The following AGBL4 variants were observed in gnomAD, a reference collection of about 807,000 sequenced individuals.
AGBL4 encodes AGBL carboxypeptidase 4.
In AGBL4, 58 loss-of-function variants were observed where a neutral mutation model predicts 66.4. The observed-to-expected ratio is 0.87, with a 90% confidence interval of 0.71 to 1.09. The LOEUF (loss-of-function observed/expected upper bound fraction) is 1.09. Ranked by LOEUF, AGBL4 falls within the 50% of genes least tolerant of loss-of-function variation. AGBL4 has a pLI of 0.00. For synonymous variants in AGBL4, 234 were observed against 222.9 expected (o/e 1.05, Z -0.44); for missense variants, 579 against 631.0 (o/e 0.92, Z 0.88).
intron 2 of AGBL4, among the ~76,000 whole-genome samples, chr1:49,768,001 T>C (rs879782935): frequency 6.8e-6 from 1 of 146,208 alleles, no homozygotes; most frequent in African/African-American, 2.5e-5. Context: ...AAAAAAAGGA[T>C]CTCAAAGAAA....
At chr1:48,594,512 T>A (rs879619355) in intron 9 of AGBL4, among the ~76,000 whole-genome samples, 1 of 152,198 alleles carries the variant, frequency 6.6e-6, no homozygotes, top group Non-Finnish European at 1.5e-5. Context: ...ACTTTTGTCA[T>A]TTGTCTTTCT....
chr1:48,989,778 G>C (rs1660466393), intron 5 of AGBL4, among the ~76,000 whole-genome samples: 1 of 152,172 alleles, frequency 6.6e-6, no homozygotes, highest in South Asian at 2.1e-4. Context: ...TTCATCTGTT[G>C]ATGGACACTT....
chr1:49,455,913 C>T (rs1646378576), intron 3 of AGBL4, among the ~76,000 whole-genome samples: 1 of 151,720 alleles, frequency 6.6e-6, no homozygotes, highest in South Asian at 2.1e-4. Flanking sequence ...GTTCCCTTTC[C>T]CTTACTTAAC....
chr1:49,761,412 A>G (rs1652304128), intron 2 of AGBL4, among the ~76,000 whole-genome samples: 1 of 152,198 alleles, frequency 6.6e-6, no homozygotes. Flanking sequence ...GAGCATCGGA[A>G]AAGGACTCTG....
At chr1:49,356,055 A>G (rs972157912) in intron 3 of AGBL4, among the ~76,000 whole-genome samples, 1 of 152,164 alleles carries the variant, frequency 6.6e-6, no homozygotes, top group African/African-American at 2.4e-5. Flanking sequence ...ACATCTTTGG[A>G]AATATAAAAA....
At position 48,916,201 on chromosome 1, in the gene AGBL4, G is replaced by A. The variant is rs537620630; in HGVS notation, c.595-48971C>T. Among the ~76,000 whole-genome samples, 18 of 152,276 alleles carry A rather than the reference G, an allele frequency of 1.2e-4. No individual in the cohort carries two copies. The South Asian group carries it at 2.3e-3, about 19-fold the overall frequency. ...GAAGAAGAATGTCAGAGAAATAGAC[G>A]TTCTGCGAGATCAGCCATATCATGC... On this transcript the variant is annotated intron_variant, in intron 5 of 13. Coordinates refer to ENST00000371839, the MANE Select transcript of AGBL4 (RefSeq NM_032785.4).
intron 11 of AGBL4, among the ~76,000 whole-genome samples, chr1:48,571,091 G>A (rs998680852): frequency 2.6e-5 from 4 of 152,202 alleles, no homozygotes; most frequent in Non-Finnish European, 5.9e-5. Flanking sequence ...GTTAGGTACT[G>A]ACATGCATTA....
chr1:49,119,111 G>C (rs1645596854), intron 4 of AGBL4, among the ~76,000 whole-genome samples: 1 of 152,024 alleles, frequency 6.6e-6, no homozygotes, highest in Non-Finnish European at 1.5e-5. Context: ...AGTCTTGCTA[G>C]TGTTCTATCA....
At chr1:48,625,967 C>T (rs978995437) in intron 9 of AGBL4, among the ~76,000 whole-genome samples, 9 of 152,204 alleles carry the variant, frequency 5.9e-5, no homozygotes, top group Admixed American at 2.6e-4. Context: ...CATAAACCAT[C>T]TCGAACTGCT....
At chr1:48,532,179 A>G (rs1254569433), downstream of AGBL4, among the ~76,000 whole-genome samples, 1 of 152,146 alleles carries the variant, frequency 6.6e-6, no homozygotes, top group Non-Finnish European at 1.5e-5. Flanking sequence ...TCATATTCCA[A>G]ATGATCACAG....
chr1:49,226,620 T>C (rs1649931381), intron 4 of AGBL4, among the ~76,000 whole-genome samples: 1 of 152,194 alleles, frequency 6.6e-6, no homozygotes, highest in African/African-American at 2.4e-5. Context: ...TCAAACCTGC[T>C]TGTCCTTCAA....
At chr1:48,759,622 C>T (rs951790778) in intron 6 of AGBL4, among the ~76,000 whole-genome samples, 1 of 152,246 alleles carries the variant, frequency 6.6e-6, no homozygotes, top group Non-Finnish European at 1.5e-5. Context: ...AGCCCACCCA[C>T]AATGCCTAGG....
rs1170861862 is a variant in AGBL4 at position 48,736,804 on chromosome 1, C to T, written c.635-73563G>A. 6.6e-6 allele frequency among the ~76,000 whole-genome samples: 1 copy of T among 152,204 alleles called. No individual in the cohort carries two copies. Among genetic ancestry groups the T allele is most frequent in the Non-Finnish European group, 1.5e-5 (1 of 68,036 alleles). ...GGCAGAGTTGATATTCTACACTATA[C>T]TTAGTTTATCACAAGGCTGCTCAGA... is the stretch of plus-strand genomic sequence containing the variant. On this transcript the variant is annotated intron_variant, in intron 6 of 13. Coordinates refer to ENST00000371839, the MANE Select transcript of AGBL4 (RefSeq NM_032785.4). The surrounding 1 kb of genome is among the most constrained non-coding windows in gnomAD (Gnocchi z 4.0).
intron 1 of AGBL4, among the ~76,000 whole-genome samples, chr1:49,978,705 A>T (rs1287900226): frequency 6.6e-6 from 1 of 152,240 alleles, no homozygotes; most frequent in Non-Finnish European, 1.5e-5. Flanking sequence ...ATACATTTTA[A>T]GATATACTGT....
At chr1:49,317,241 GA>G (rs1645056409) in intron 3 of AGBL4, among the ~76,000 whole-genome samples, 1 of 151,812 alleles carries the variant, frequency 6.6e-6, no homozygotes, top group South Asian at 2.1e-4. Flanking sequence ...TTTGTGGTAA[GA>G]AAAAGTATAA....
intron 6 of AGBL4, among the ~76,000 whole-genome samples, chr1:48,695,094 A>T (rs1646693872): frequency 6.6e-6 from 1 of 152,202 alleles, no homozygotes; most frequent in Non-Finnish European, 1.5e-5. Flanking sequence ...TGACTGTGTC[A>T]CTCAGAGAAT....
intron 4 of AGBL4, among the ~76,000 whole-genome samples, chr1:49,107,688 T>TGAGAGA (rs1378360186): frequency 3.9e-4 from 41 of 105,310 alleles, no homozygotes; most frequent in African/African-American, 1.4e-3. Flanking sequence ...TGTGTGTGTG[T>TGAGAGA]GTGTGTGAGA....
intron 3 of AGBL4, among the ~76,000 whole-genome samples, chr1:49,297,980 C>T (rs985123061): frequency 2.6e-5 from 4 of 152,126 alleles, no homozygotes; most frequent in Non-Finnish European, 5.9e-5. Flanking sequence ...CCCCAACTTC[C>T]GGCCAGGAGG....
chr1:50,021,915 A>G (rs1662472582), intron 1 of AGBL4, among the ~76,000 whole-genome samples: 1 of 152,328 alleles, frequency 6.6e-6, no homozygotes, highest in Admixed American at 6.5e-5. Flanking sequence ...ATCTGGCTTC[A>G]GCGTACCTCT....
Sources: allele counts gnomAD v4.1 joint callset (sites outside exome capture counted in the v4.1 genomes callset), GRCh38; gene constraint gnomAD v4.1.1; non-coding constraint Gnocchi (gnomAD v3.1); transcripts MANE v1.5; gene names NCBI Gene and HGNC (gene_info 2026-07-23, HGNC 2026-07-21).